Variants in CFAP52 observed in about 807,000 individuals in gnomAD.
The protein encoded by CFAP52 is cilia and flagella associated protein 52.
Under a neutral mutation model 70.5 loss-of-function variants are expected in CFAP52, and 57 were observed. The observed-to-expected ratio is 0.81, with a 90% confidence interval of 0.65 to 1.01. The LOEUF (loss-of-function observed/expected upper bound fraction) is 1.01. Among genes scored for constraint, CFAP52 ranks in the 50% least tolerant of loss-of-function variants. The pLI, the probability that CFAP52 is intolerant of heterozygous loss-of-function variation, is 0.00. For synonymous variants in CFAP52, 267 were observed against 292.5 expected (o/e 0.91, Z 0.89); for missense variants, 785 against 788.5 (o/e 1.00, Z 0.05).
At chr17:9,591,851 T>TG (rs915419105) in intron 3 of CFAP52, among the ~76,000 whole-genome samples, 7 of 151,912 alleles carry the variant, frequency 4.6e-5, no homozygotes, top group African/African-American at 1.7e-4. Context: ...GCACTCCAGC[T>TG]GGGGCAACAG....
chr17:9,642,234 A>G (rs984549785), intron 13 of CFAP52, among the ~76,000 whole-genome samples: 1 of 152,224 alleles, frequency 6.6e-6, no homozygotes, highest in Non-Finnish European at 1.5e-5. Context: ...AAACAAATGA[A>G]TTAACCAATA....
At chr17:9,642,946 G>A (rs1911144086) in intron 13 of CFAP52, 77 bp from the exon 14 acceptor site, 2 of 1,242,142 alleles carry the variant, frequency 1.6e-6, no homozygotes, top group Admixed American at 3.1e-5. Context: ...TGTTGAAAAT[G>A]ATCCAGTTAT....
chr17:9,638,670 C>G lies in CFAP52; in HGVS notation c.1534C>G (p.Pro512Ala), dbSNP rs1910916333. The change falls in exon 12 of 14, where the codon CCT becomes GCT. Residue 512 changes from proline to alanine, a missense_variant. Pro to Ala is a conservative substitution (Grantham distance 27, BLOSUM62 -1). Transcript: ENST00000352665. Reference protein sequence around the residue: ...NTLFQCVCYHPEEFQIITSGT... With the variant: ...NTLFQCVCYHAEEFQIITSGT... ...CTTATTCCAGTGTGTGTGCTATCACCCTGAGGAGTTCCAGATCATCACCAG... is the reference window on the plus strand; with the variant it reads ...CTTATTCCAGTGTGTGTGCTATCACGCTGAGGAGTTCCAGATCATCACCAG... The G allele has an allele frequency of 1.2e-6, 2 of 1,614,024 alleles. No homozygotes were observed.
rs142316723 is a variant in CFAP52 at position 9,637,949 on chromosome 17, G to T, written c.1473-660G>T. Among the ~76,000 whole-genome samples, 108 of 152,270 alleles carry T rather than the reference G, an allele frequency of 7.1e-4. No individual in the cohort carries two copies. The East Asian group carries it at 0.02, about 28-fold the overall frequency. ...TTGCGGGAGGCCAGCTCCCTCTTGGGGGCACCCTGGGCAGGGTAGGGGGTG... is the reference window on the plus strand; with the variant it reads ...TTGCGGGAGGCCAGCTCCCTCTTGGTGGCACCCTGGGCAGGGTAGGGGGTG... On this transcript the variant is annotated intron_variant, in intron 11 of 13. Coordinates refer to ENST00000352665, the MANE Select transcript of CFAP52 (RefSeq NM_145054.5).
intron 1 of CFAP52, among the ~76,000 whole-genome samples, chr17:9,585,160 C>A (rs1025550793): frequency 6.6e-6 from 1 of 152,168 alleles, no homozygotes; most frequent in African/African-American, 2.4e-5. Flanking sequence ...GGCCGTAGGA[C>A]TTGCTGGACC....
intron 3 of CFAP52, among the ~76,000 whole-genome samples, chr17:9,593,746 G>A (rs768783628): frequency 5.9e-5 from 9 of 152,014 alleles, no homozygotes; most frequent in Admixed American, 3.3e-4. Flanking sequence ...GTGAGCCATC[G>A]CTCCCAGCCA....
chr17:9,641,660 T>A (rs1911063703), intron 12 of CFAP52, 64 bp from the exon 13 acceptor site: 1 of 1,187,452 alleles, frequency 8.4e-7, no homozygotes, highest in African/African-American at 1.5e-5. Context: ...CATCTTTTGT[T>A]AGCATGTGCA....
intron 8 of CFAP52, among the ~76,000 whole-genome samples, chr17:9,625,034 T>A (rs1388108159): frequency 3.3e-5 from 5 of 152,134 alleles, no homozygotes; most frequent in African/African-American, 1.2e-4. Flanking sequence ...AACCTCAAGC[T>A]CTGACACTTG....
intron 9 of CFAP52, among the ~76,000 whole-genome samples, chr17:9,630,398 G>A (rs1910421423): frequency 6.7e-6 from 1 of 149,444 alleles, no homozygotes; most frequent in African/African-American, 2.4e-5. Context: ...TTACAAGCAT[G>A]CGCCACCATG....
Position 9,643,347 on chromosome 17 carries a change from T to C in CFAP52, c.*149T>C, listed in dbSNP as rs1567639909. On this transcript the variant is annotated 3_prime_UTR_variant, in exon 14 of 14. Transcript: ENST00000352665. ...CTTTTTCTTTATAGAATGCATTTTATATTCTTAAATTGCATATTAAAATTG... is the reference window on the plus strand; with the variant it reads ...CTTTTTCTTTATAGAATGCATTTTACATTCTTAAATTGCATATTAAAATTG... 5 of 553,950 alleles carry C rather than the reference T, an allele frequency of 9.0e-6. No homozygotes were observed. Among genetic ancestry groups the C allele is most frequent in the Non-Finnish European group, 1.4e-5 (5 of 361,440 alleles). The allele number at this position is 553,950 out of a possible 1,614,324, so 34.3% of individuals were successfully genotyped here. A position where few individuals can be genotyped will look rare whatever the true frequency, so the allele number is the denominator to read the frequency against.
chr17:9,607,424 T>C (rs1037209633), intron 6 of CFAP52, among the ~76,000 whole-genome samples: 7 of 152,234 alleles, frequency 4.6e-5, no homozygotes, highest in Non-Finnish European at 1.0e-4. Flanking sequence ...TCACAGTGGA[T>C]ACTATAAAAC....
chr17:9,637,299 C>T lies in CFAP52; in HGVS notation c.1473-1310C>T, dbSNP rs115931305. Reference sequence around the variant, plus strand: ...AAAATATAGAACTAGAAGGACATGTCTGAACTTATTTCTATGGATGCTTTG... The same window carrying T: ...AAAATATAGAACTAGAAGGACATGTTTGAACTTATTTCTATGGATGCTTTG... On this transcript the variant is annotated intron_variant, in intron 11 of 13. Transcript: ENST00000352665. 3.8e-3 allele frequency among the ~76,000 whole-genome samples: 573 copies of T among 152,266 alleles called. 1 individual carries two copies. Among genetic ancestry groups the T allele is most frequent in the African/African-American group, 0.013 (548 of 41,552 alleles).
intron 1 of CFAP52, among the ~76,000 whole-genome samples, chr17:9,584,729 C>T (rs1908378009): frequency 6.6e-6 from 1 of 151,956 alleles, no homozygotes. Context: ...TCCAGTGATT[C>T]TCCTGCCTCA....
chr17:9,580,065 T>C (rs1446258617), intron 1 of CFAP52, among the ~76,000 whole-genome samples: 2 of 152,214 alleles, frequency 1.3e-5, no homozygotes, highest in Admixed American at 6.5e-5. Flanking sequence ...TTTCCTATTA[T>C]GGTATACAAA....
chr17:9,587,862 G>A (rs184955267), intron 3 of CFAP52, among the ~76,000 whole-genome samples: 36 of 152,272 alleles, frequency 2.4e-4, no homozygotes, highest in East Asian at 9.6e-4. Context: ...CTCTTGGCCC[G>A]TCTGTATTTC....
At chr17:9,612,169 C>A in intron 7 of CFAP52, 140 bp from the exon 8 acceptor site, 1 of 1,113,694 alleles carries the variant, frequency 9.0e-7, no homozygotes. Flanking sequence ...TGAGTAACTC[C>A]TGCCTTTTCA....
At chr17:9,627,626 T>C (rs1910289164) in intron 8 of CFAP52, among the ~76,000 whole-genome samples, 1 of 152,218 alleles carries the variant, frequency 6.6e-6, no homozygotes, top group Non-Finnish European at 1.5e-5. Context: ...GTTATAGGTG[T>C]CGACTTATCT....
chr17:9,626,842 C>A (rs1910254777), intron 8 of CFAP52, among the ~76,000 whole-genome samples: 1 of 152,042 alleles, frequency 6.6e-6, no homozygotes, highest in African/African-American at 2.4e-5. Context: ...GGAAGGGATC[C>A]ACTTATTTTT....
At position 9,631,028 on chromosome 17, in the gene CFAP52, A is replaced by AGAGAGAGAGAGAGAGAGAGAG. The variant is rs1910479353; in HGVS notation, c.1175-1860_1175-1859insGAGAGAGAGAGAGAGAGAGAG. On this transcript the variant is annotated intron_variant, in intron 9 of 13. Transcript: ENST00000352665. Reference sequence around the variant, plus strand: ...AAAGAAAGAAAGAAAGAAAGAAAGAAAGAGAGAGAGAGAGAGAGAGAGAGA... The same window carrying AGAGAGAGAGAGAGAGAGAGAG: ...AAAGAAAGAAAGAAAGAAAGAAAGAAGAGAGAGAGAGAGAGAGAGAGAGAGAGAGAGAGAGAGAGAGAGAGA... 6.7e-5 allele frequency among the ~76,000 whole-genome samples: 3 copies of AGAGAGAGAGAGAGAGAGAGAG among 44,736 alleles called. 1 individual carries two copies. The highest frequency in any genetic ancestry group is 1.2e-4 in the African/African-American group (1 of 8,236). 29.3% of individuals were successfully genotyped at this position (44,736 alleles called of 152,430 possible).
Sources: gnomAD v4.1 joint callset for allele counts (sites outside exome capture counted in the v4.1 genomes callset) on GRCh38, gnomAD v4.1.1 for gene constraint, MANE v1.5 for transcripts, NCBI Gene and HGNC (gene_info 2026-07-23, HGNC 2026-07-21) for gene names.